Variants in GATAD2B observed in about 807,000 individuals in gnomAD.
GATAD2B encodes the protein GATA zinc finger domain containing 2B.
A neutral mutation model predicts 64.3 loss-of-function variants in GATAD2B; 8 were observed. The ratio of observed to expected loss-of-function variants is 0.12; its 90% confidence interval spans 0.07 to 0.22. The LOEUF (loss-of-function observed/expected upper bound fraction) is 0.22, where lower values mean the gene tolerates loss of function less well. GATAD2B is among the 10% of genes least tolerant of loss of function. The pLI is 1.00. For synonymous variants in GATAD2B, 281 were observed against 271.3 expected, an observed-to-expected ratio of 1.04 and a Z score of -0.35; for missense variants, 453 against 752.0, an observed-to-expected ratio of 0.60 and a Z score of 4.65.
intron 1 of GATAD2B, among the ~76,000 whole-genome samples, chr1:153,864,037 T>C (rs1676397699): frequency 6.6e-6 from 1 of 152,178 alleles, no homozygotes; most frequent in South Asian, 2.1e-4. Flanking sequence ...ACCATGGAAG[T>C]AATAATAATA....
intron 1 of GATAD2B, among the ~76,000 whole-genome samples, chr1:153,869,063 C>G (rs1025813985): frequency 7.2e-5 from 11 of 152,132 alleles, no homozygotes; most frequent in Non-Finnish European, 1.5e-4. Context: ...GAGGTCAAGG[C>G]AGGCAGATCA....
At chr1:153,877,416 C>T (rs555287085) in intron 1 of GATAD2B, among the ~76,000 whole-genome samples, 176 of 151,824 alleles carry the variant, frequency 1.2e-3, no homozygotes, top group Non-Finnish European at 2.2e-3. Flanking sequence ...AATTACTCTT[C>T]AGCCACTCCA....
At chr1:153,875,080 G>A (rs983619994) in intron 1 of GATAD2B, among the ~76,000 whole-genome samples, 1 of 151,914 alleles carries the variant, frequency 6.6e-6, no homozygotes, top group African/African-American at 2.4e-5. Flanking sequence ...GTCTTGTTGT[G>A]TTGACCAGGC....
chr1:153,856,686 G>T (rs1212837944), intron 1 of GATAD2B, among the ~76,000 whole-genome samples: 1 of 152,008 alleles, frequency 6.6e-6, no homozygotes, highest in East Asian at 1.9e-4. Context: ...GAGGTGGAAG[G>T]ATCACTTGAG....
At chr1:153,917,148 G>A (rs1446156440) in intron 1 of GATAD2B, among the ~76,000 whole-genome samples, 1 of 148,742 alleles carries the variant, frequency 6.7e-6, no homozygotes, top group Non-Finnish European at 1.5e-5. Flanking sequence ...ACCCAGGCTG[G>A]AGTGCAATGG....
At chr1:153,893,240 G>C (rs1399192958) in intron 1 of GATAD2B, among the ~76,000 whole-genome samples, 2 of 152,140 alleles carry the variant, frequency 1.3e-5, no homozygotes, top group African/African-American at 4.8e-5. Flanking sequence ...TCAAAATTCT[G>C]ACTGTTGTTA....
At chr1:153,913,573 C>T (rs1678167301) in intron 1 of GATAD2B, among the ~76,000 whole-genome samples, 1 of 152,058 alleles carries the variant, frequency 6.6e-6, no homozygotes, top group Non-Finnish European at 1.5e-5. Flanking sequence ...TATTTGCCTT[C>T]GAATTCATGG....
rs575779684 is a variant in GATAD2B at position 153,809,808 on chromosome 1, A to T, written c.*369T>A. The T allele has an allele frequency of 6.1e-6, 1 of 163,218 alleles. No homozygotes were observed. 10.1% of individuals were successfully genotyped at this position (163,218 alleles called of 1,614,324 possible). On this transcript the variant is annotated 3_prime_UTR_variant, in exon 11 of 11. Transcript: ENST00000368655. Reference sequence around the variant, plus strand: ...CCACTGAACAAAGGGAGGACACACAACATCATTAAAAATGGTAATAATTAT... The same window carrying T: ...CCACTGAACAAAGGGAGGACACACATCATCATTAAAAATGGTAATAATTAT...
rs1191983137 is a variant in GATAD2B, at chr1:153,811,903, G to T, written c.1531-55C>A. 19 of 1,352,954 alleles carry T rather than the reference G, an allele frequency of 1.4e-5. No individual in the cohort carries two copies. In the South Asian group the frequency reaches 1.5e-4, roughly 11 times the overall value. 83.8% of individuals were successfully genotyped at this position (1,352,954 alleles called of 1,614,324 possible). A position where few individuals can be genotyped will look rare whatever the true frequency, so the allele number is the denominator to read the frequency against. ...CTTTGATATGATAGAATGTTAAGCG[G>T]GGGCAAAGATAAGGGAGTACAGAAG... is the stretch of plus-strand genomic sequence containing the variant. On this transcript the variant is annotated intron_variant, in intron 9 of 10. Coordinates refer to ENST00000368655, the MANE Select transcript of GATAD2B (RefSeq NM_020699.4).
At chr1:153,876,631 C>T (rs1676845268) in intron 1 of GATAD2B, among the ~76,000 whole-genome samples, 2 of 152,230 alleles carry the variant, frequency 1.3e-5, no homozygotes, top group Non-Finnish European at 2.9e-5. Flanking sequence ...AAACAGCTTT[C>T]TCCTACTGTC....
chr1:153,819,834 C>T (rs1289424334), intron 2 of GATAD2B, 99 bp from the exon 3 acceptor site: 3 of 1,048,008 alleles, frequency 2.9e-6, no homozygotes, highest in East Asian at 2.6e-5. Flanking sequence ...TGCGGTGGCT[C>T]ACTCCTGTAA....
At chr1:153,871,184 A>G (rs1363990345) in intron 1 of GATAD2B, among the ~76,000 whole-genome samples, 4 of 152,072 alleles carry the variant, frequency 2.6e-5, no homozygotes, top group Non-Finnish European at 5.9e-5. Flanking sequence ...CTCTTGCCTC[A>G]GCCTCCCAAG....
chr1:153,880,989 T>G (rs1202947365), intron 1 of GATAD2B, among the ~76,000 whole-genome samples: 2 of 152,056 alleles, frequency 1.3e-5, no homozygotes. Context: ...AAAGTGTATG[T>G]GTGGATGTGT....
At chr1:153,876,595 C>T (rs1676843512) in intron 1 of GATAD2B, among the ~76,000 whole-genome samples, 1 of 152,192 alleles carries the variant, frequency 6.6e-6, no homozygotes, top group Non-Finnish European at 1.5e-5. Context: ...TTAGAGTGTG[C>T]TGCCTAGAGG....
intron 1 of GATAD2B, among the ~76,000 whole-genome samples, chr1:153,843,160 T>A (rs1194019587): frequency 1.3e-5 from 2 of 148,970 alleles, no homozygotes; most frequent in African/African-American, 2.5e-5. Context: ...TAAGAGACAG[T>A]ATCTCACTCT....
In GATAD2B at chr1:153,805,574, TTG is replaced by T. The variant is rs1674087094; in HGVS notation, c.*4601_*4602del. 1 of 152,176 alleles carries T rather than the reference TTG, an allele frequency of 6.6e-6. No homozygotes were observed. The highest frequency in any genetic ancestry group is 1.5e-5 in the Non-Finnish European group (1 of 68,036). 9.4% of individuals were successfully genotyped at this position (152,176 alleles called of 1,614,324 possible). A position where few individuals can be genotyped will look rare whatever the true frequency, so the allele number is the denominator to read the frequency against. On this transcript the variant is annotated 3_prime_UTR_variant, in exon 11 of 11. Coordinates refer to ENST00000368655, the MANE Select transcript of GATAD2B (RefSeq NM_020699.4). ...GAGGACTGGCAGTTCTCCAAGAGCATTGTCATACACATAACCACTTCAACGCG... is the reference window on the plus strand; with the variant it reads ...GAGGACTGGCAGTTCTCCAAGAGCATTCATACACATAACCACTTCAACGCG...
intron 1 of GATAD2B, among the ~76,000 whole-genome samples, chr1:153,868,723 T>C (rs1387720480): frequency 6.6e-6 from 1 of 151,356 alleles, no homozygotes; most frequent in Non-Finnish European, 1.5e-5. Flanking sequence ...TTCCCACTAA[T>C]ATATATACTA....
chr1:153,837,566 G>C (rs1007411627), intron 1 of GATAD2B, among the ~76,000 whole-genome samples: 2 of 151,814 alleles, frequency 1.3e-5, no homozygotes, highest in Non-Finnish European at 2.9e-5. Context: ...TGGTTAAGAT[G>C]GTAAATTTCA....
intron 2 of GATAD2B, among the ~76,000 whole-genome samples, chr1:153,822,156 G>C (rs1454604215): frequency 6.6e-6 from 1 of 151,868 alleles, no homozygotes; most frequent in Non-Finnish European, 1.5e-5. Flanking sequence ...ACTCCAGCCT[G>C]GGTGACAGAG....
Sources: allele counts gnomAD v4.1 joint callset (sites outside exome capture counted in the v4.1 genomes callset), GRCh38; gene constraint gnomAD v4.1.1; transcripts MANE v1.5; gene names NCBI Gene and HGNC (gene_info 2026-07-23, HGNC 2026-07-21).